The following CABCOCO1 variants were observed in gnomAD, a reference collection of about 807,000 sequenced individuals.
CABCOCO1 encodes the protein ciliary-associated calcium-binding coiled-coil protein 1.
In CABCOCO1, 28 loss-of-function variants were observed where a neutral mutation model predicts 35.7. That is an observed-to-expected ratio of 0.78 (90% CI 0.58 to 1.07). The LOEUF (loss-of-function observed/expected upper bound fraction) is 1.07. Among genes scored for constraint, CABCOCO1 ranks in the 50% least tolerant of loss-of-function variants. CABCOCO1 has a pLI of 0.00. For missense variants in CABCOCO1, 326 were observed against 309.2 expected (o/e 1.05, Z -0.41); for synonymous variants, 95 against 100.1 (o/e 0.95, Z 0.30).
chr10:61,721,558 G>A (rs7896631), intron 5 of CABCOCO1, among the ~76,000 whole-genome samples: 99,251 of 152,028 alleles, frequency 0.65, 34,028 homozygotes, highest in Middle Eastern at 0.84. Flanking sequence ...GTAGAGTCTA[G>A]TAAGGGATGG....
chr10:61,679,894 A>G (rs542427010), intron 2 of CABCOCO1, among the ~76,000 whole-genome samples: 1 of 152,204 alleles, frequency 6.6e-6, no homozygotes, highest in Admixed American at 6.5e-5. Flanking sequence ...TAAAGAAATA[A>G]AAGATTATAA....
At chr10:61,684,057 A>C (rs1839880896) in intron 3 of CABCOCO1, among the ~76,000 whole-genome samples, 1 of 152,180 alleles carries the variant, frequency 6.6e-6, no homozygotes, top group Non-Finnish European at 1.5e-5. Context: ...GCTTTTATCC[A>C]ACAGATTTTT....
intron 5 of CABCOCO1, among the ~76,000 whole-genome samples, chr10:61,696,025 A>AGATG (rs943768265): frequency 1.3e-4 from 20 of 152,022 alleles, no homozygotes; most frequent in South Asian, 4.2e-4. Context: ...GGACAGATTA[A>AGATG]GATGGATGGA....
intron 7 of CABCOCO1, among the ~76,000 whole-genome samples, chr10:61,765,301 C>T (rs2132100618): frequency 6.6e-6 from 1 of 152,290 alleles, no homozygotes; most frequent in Non-Finnish European, 1.5e-5. Context: ...GTGCAGGTAG[C>T]AATGTGAGTC....
At chr10:61,728,782 C>T (rs1048791613) in intron 5 of CABCOCO1, among the ~76,000 whole-genome samples, 6 of 152,172 alleles carry the variant, frequency 3.9e-5, no homozygotes, top group African/African-American at 1.4e-4. Context: ...CAACTGGCAG[C>T]AGTGTAGGGG....
chr10:61,734,613 C>T (rs1841375417), intron 5 of CABCOCO1, among the ~76,000 whole-genome samples: 1 of 152,080 alleles, frequency 6.6e-6, no homozygotes, highest in South Asian at 2.1e-4. Flanking sequence ...TATCTCTTCA[C>T]ATAAATCTTT....
Position 61,758,142 on chromosome 10 carries a change from G to A in CABCOCO1, c.553-1917G>A, listed in dbSNP as rs1316105403. 3.9e-5 allele frequency among the ~76,000 whole-genome samples: 6 copies of A among 151,990 alleles called. No individual in the cohort carries two copies. The East Asian group carries it at 5.8e-4, about 15-fold the overall frequency. On this transcript the variant is annotated intron_variant, in intron 5 of 7. Transcript: ENST00000648843. ...AATTCCTTTCTCTCTTCTTTTCAAC[G>A]TCTCACTCATCCCCACCACCCCCAC...
intron 7 of CABCOCO1, among the ~76,000 whole-genome samples, chr10:61,761,784 C>T (rs1842014970): frequency 6.6e-6 from 1 of 151,998 alleles, no homozygotes. Flanking sequence ...GAACATGAGA[C>T]CATATATTAA....
At chr10:61,760,818 A>G in intron 6 of CABCOCO1, 45 bp from the exon 7 acceptor site, 3 of 1,559,272 alleles carry the variant, frequency 1.9e-6, no homozygotes, top group Non-Finnish European at 2.6e-6. Flanking sequence ...AAATCACCGA[A>G]TGCTCTAGAA....
At chr10:61,742,345 C>CT (rs1333359116) in intron 5 of CABCOCO1, among the ~76,000 whole-genome samples, 1 of 152,108 alleles carries the variant, frequency 6.6e-6, no homozygotes, top group Non-Finnish European at 1.5e-5. Context: ...GAACTGACTG[C>CT]TTTTTACTCT....
At chr10:61,675,382 A>G (rs1400405369) in intron 2 of CABCOCO1, among the ~76,000 whole-genome samples, 1 of 152,196 alleles carries the variant, frequency 6.6e-6, no homozygotes, top group Non-Finnish European at 1.5e-5. Flanking sequence ...GAAATGATAA[A>G]TCCTTAGCCC....
At chr10:61,688,518 A>G (rs1442710231) in intron 4 of CABCOCO1, among the ~76,000 whole-genome samples, 1 of 152,198 alleles carries the variant, frequency 6.6e-6, no homozygotes, top group Non-Finnish European at 1.5e-5. Context: ...GTATTGTATC[A>G]TGTATACAAA....
intron 5 of CABCOCO1, among the ~76,000 whole-genome samples, chr10:61,722,587 T>A (rs938452073): frequency 7.8e-4 from 118 of 152,088 alleles, no homozygotes; most frequent in African/African-American, 2.8e-3. Context: ...AAGAAAGTCA[T>A]TAACGATCAC....
At chr10:61,749,651 C>T (rs190963468) in intron 5 of CABCOCO1, among the ~76,000 whole-genome samples, 3 of 152,310 alleles carry the variant, frequency 2.0e-5, no homozygotes, top group Admixed American at 2.0e-4. Flanking sequence ...CCTGTATTTC[C>T]TCACATATAA....
intron 5 of CABCOCO1, among the ~76,000 whole-genome samples, chr10:61,724,158 G>A (rs1270581649): frequency 2.6e-5 from 4 of 151,912 alleles, no homozygotes; most frequent in Non-Finnish European, 4.4e-5. Context: ...AAAAATAAAG[G>A]AAGACTTTAA....
At chr10:61,696,247 C>T (rs1350424285) in intron 5 of CABCOCO1, among the ~76,000 whole-genome samples, 1 of 151,780 alleles carries the variant, frequency 6.6e-6, no homozygotes, top group African/African-American at 2.4e-5. Context: ...CTATTATATC[C>T]TTGGGGGAAG....
intron 2 of CABCOCO1, among the ~76,000 whole-genome samples, chr10:61,675,647 G>A (rs1839491224): frequency 6.6e-6 from 1 of 151,614 alleles, no homozygotes. Context: ...CAATTAGAAG[G>A]AAAACTAACT....
intron 5 of CABCOCO1, among the ~76,000 whole-genome samples, chr10:61,747,783 A>T (rs1841695350): frequency 6.6e-6 from 1 of 152,206 alleles, no homozygotes; most frequent in South Asian, 2.1e-4. Context: ...TGCCTAATGT[A>T]CAGAGTTAAT....
At chr10:61,704,977 A>G (rs1840560026) in intron 5 of CABCOCO1, among the ~76,000 whole-genome samples, 1 of 152,032 alleles carries the variant, frequency 6.6e-6, no homozygotes, top group South Asian at 2.1e-4. Flanking sequence ...ACCATTGTAC[A>G]TAATAGGTGC....
Sources: allele counts gnomAD v4.1 joint callset (sites outside exome capture counted in the v4.1 genomes callset), GRCh38; gene constraint gnomAD v4.1.1; transcripts MANE v1.5; gene names NCBI Gene and HGNC (gene_info 2026-07-23, HGNC 2026-07-21).